WASF3: variants seen among roughly 807,000 people sequenced by gnomAD.
WASF3 encodes WASP family member 3.
A neutral mutation model predicts 46.6 loss-of-function variants in WASF3; 11 were observed. The ratio of observed to expected loss-of-function variants is 0.24; its 90% confidence interval spans 0.15 to 0.39. The LOEUF (loss-of-function observed/expected upper bound fraction) is 0.39, where lower values mean the gene tolerates loss of function less well. WASF3 is among the 10% of genes least tolerant of loss of function. The probability of loss-of-function intolerance (pLI) is 1.00; values close to 1 mark genes in which losing one functional copy is unlikely to be tolerated. For missense variants in WASF3, 576 were observed against 669.8 expected (o/e 0.86, Z 1.55); for synonymous variants, 242 against 259.7 (o/e 0.93, Z 0.65).
chr13:26,632,466 G>T (rs1881679982), intron 2 of WASF3, among the ~76,000 whole-genome samples: 1 of 152,164 alleles, frequency 6.6e-6, no homozygotes, highest in South Asian at 2.1e-4. Flanking sequence ...GTATGTGATG[G>T]ATTACGTTTA....
intron 1 of WASF3, among the ~76,000 whole-genome samples, chr13:26,603,552 G>A (rs960165040): frequency 6.6e-6 from 1 of 152,162 alleles, no homozygotes; most frequent in African/African-American, 2.4e-5. Context: ...TTTGGGCTGT[G>A]TGTGGTGGTT....
At chr13:26,671,600 G>T (rs1164258893) in intron 5 of WASF3, among the ~76,000 whole-genome samples, 2 of 151,890 alleles carry the variant, frequency 1.3e-5, no homozygotes, top group Non-Finnish European at 2.9e-5. Context: ...GAGTCATGTT[G>T]TGATTTTTTT....
chr13:26,600,023 C>T (rs1398760283), intron 1 of WASF3, among the ~76,000 whole-genome samples: 1 of 152,174 alleles, frequency 6.6e-6, no homozygotes, highest in Non-Finnish European at 1.5e-5. Context: ...GGTTAAAACA[C>T]CCACATCTGT....
At chr13:26,637,081 G>A (rs1472103583) in intron 2 of WASF3, among the ~76,000 whole-genome samples, 2 of 152,140 alleles carry the variant, frequency 1.3e-5, no homozygotes, top group Admixed American at 6.5e-5. Flanking sequence ...TCAGCATGAC[G>A]GTGTTGCTCT....
chr13:26,670,395 T>C (rs953199805), intron 5 of WASF3, among the ~76,000 whole-genome samples: 7 of 152,100 alleles, frequency 4.6e-5, no homozygotes, highest in Admixed American at 2.6e-4. Context: ...CTATGTAATG[T>C]AGATGACAGG....
intron 2 of WASF3, among the ~76,000 whole-genome samples, chr13:26,616,880 C>T (rs1881150393): frequency 6.6e-6 from 1 of 152,128 alleles, no homozygotes; most frequent in South Asian, 2.1e-4. Flanking sequence ...AAAGGCCTCA[C>T]CTGAAGTACT....
At chr13:26,550,363 G>A in the WASF3 span, among the ~76,000 whole-genome samples, 6 of 152,114 alleles carry the variant, frequency 3.9e-5, no homozygotes, top group Non-Finnish European at 8.8e-5. Context: ...GTAAAGTCTG[G>A]CTTAAAATAA....
chr13:26,553,170 G>T (rs1879006127), upstream of WASF3, among the ~76,000 whole-genome samples: 1 of 152,164 alleles, frequency 6.6e-6, no homozygotes, highest in Non-Finnish European at 1.5e-5. Flanking sequence ...CACGCTGCAT[G>T]CACGGGATTT....
chr13:26,560,680 C>G (rs1593365296), intron 1 of WASF3, among the ~76,000 whole-genome samples: 1 of 152,154 alleles, frequency 6.6e-6, no homozygotes, highest in East Asian at 1.9e-4. Context: ...GATGTAGGAG[C>G]CTCATGCATG....
At chr13:26,598,616 CCATTGGATTCA>C (rs1880548011) in intron 1 of WASF3, among the ~76,000 whole-genome samples, 1 of 152,194 alleles carries the variant, frequency 6.6e-6, no homozygotes, top group African/African-American at 2.4e-5. Flanking sequence ...AGTCAGTTTA[CCATTGGATTCA>C]CATAGTTTGA....
At chr13:26,666,834 A>T (rs1882787121) in intron 4 of WASF3, among the ~76,000 whole-genome samples, 1 of 135,624 alleles carries the variant, frequency 7.4e-6, no homozygotes, top group African/African-American at 2.8e-5. Flanking sequence ...GGGAGGCTGC[A>T]CTCCAGCCTG....
intron 1 of WASF3, among the ~76,000 whole-genome samples, chr13:26,593,034 A>T (rs1178094990): frequency 2.0e-5 from 3 of 152,106 alleles, no homozygotes; most frequent in African/African-American, 4.8e-5. Context: ...TACTGTTTCT[A>T]GGGGATGTTA....
rs1444108990 is a variant in WASF3, at chr13:26,648,048, ATATAGT to A, written c.133+5649_133+5654del. Among the ~76,000 whole-genome samples the A allele has an allele frequency of 7.2e-5, 11 of 152,268 alleles. No individual in the cohort carries two copies. In the East Asian group the frequency reaches 2.1e-3, roughly 29 times the overall value. On this transcript the variant is annotated intron_variant, in intron 3 of 9. Transcript: ENST00000335327. ...TTTAACCATTTTACTAATGTTGGAC[ATATAGT>A]TATTTGTGGGGGAACGCTATTATAA...
intron 2 of WASF3, among the ~76,000 whole-genome samples, chr13:26,631,780 A>G (rs1175089965): frequency 1.3e-5 from 2 of 152,094 alleles, no homozygotes; most frequent in South Asian, 2.1e-4. Flanking sequence ...CCATTTTCAC[A>G]ATATTGATTC....
At chr13:26,637,381 G>C (rs901141757) in intron 2 of WASF3, among the ~76,000 whole-genome samples, 2 of 152,072 alleles carry the variant, frequency 1.3e-5, no homozygotes, top group Non-Finnish European at 2.9e-5. Flanking sequence ...TTCTCTCTTA[G>C]GGCCCAGACC....
intron 3 of WASF3, among the ~76,000 whole-genome samples, chr13:26,644,497 C>T (rs1882090601): frequency 6.6e-6 from 1 of 152,142 alleles, no homozygotes; most frequent in African/African-American, 2.4e-5. Context: ...CTCAACCTGG[C>T]TTCTCTATCA....
intron 1 of WASF3, among the ~76,000 whole-genome samples, chr13:26,600,933 A>G (rs1880623697): frequency 6.6e-6 from 1 of 152,100 alleles, no homozygotes; most frequent in Non-Finnish European, 1.5e-5. Context: ...CAGGGTAGAG[A>G]TGATTAGCAA....
the WASF3 span, among the ~76,000 whole-genome samples, chr13:26,542,765 G>A: frequency 1.1e-4 from 17 of 152,268 alleles, no homozygotes; most frequent in South Asian, 2.1e-4. Context: ...AGCACTCTGC[G>A]TCACCTCCTG....
chr13:26,635,388 T>C (rs1881787071), intron 2 of WASF3, among the ~76,000 whole-genome samples: 1 of 152,246 alleles, frequency 6.6e-6, no homozygotes, highest in African/African-American at 2.4e-5. Flanking sequence ...GCCATTCGTC[T>C]AACCTTTTTT....
Sources: gnomAD v4.1 joint callset for allele counts (sites outside exome capture counted in the v4.1 genomes callset) on GRCh38, gnomAD v4.1.1 for gene constraint, MANE v1.5 for transcripts, NCBI Gene and HGNC (gene_info 2026-07-23, HGNC 2026-07-21) for gene names.